SEMA5A: variants seen among roughly 807,000 people sequenced by gnomAD.
SEMA5A encodes the protein semaphorin-5A.
Under a neutral mutation model 135.5 loss-of-function variants are expected in SEMA5A, and 55 were observed. That is an observed-to-expected ratio of 0.41 (90% CI 0.33 to 0.51). SEMA5A has a LOEUF of 0.51. Among genes scored for constraint, SEMA5A ranks in the 20% least tolerant of loss-of-function variants. The pLI is 0.37. For synonymous variants in SEMA5A, 580 were observed against 546.5 expected (o/e 1.06, Z -0.85); for missense variants, 1,290 against 1,419.9 (o/e 0.91, Z 1.47).
At chr5:9,334,203 T>C (rs1753279888) in intron 4 of SEMA5A, among the ~76,000 whole-genome samples, 1 of 152,178 alleles carries the variant, frequency 6.6e-6, no homozygotes, top group South Asian at 2.1e-4. Flanking sequence ...CCACAATGCC[T>C]AGTGCTATGA....
At chr5:9,367,432 C>A (rs777462923) in intron 3 of SEMA5A, 7 of 152,280 alleles carry the variant, frequency 4.6e-5, no homozygotes, top group Non-Finnish European at 7.4e-5. Context: ...ACAAAAGCTA[C>A]TCAGGCTAAA....
rs187649146 is a variant in SEMA5A at position 9,452,599 on chromosome 5, C to T, written c.-174-14747G>A. On this transcript the variant is annotated intron_variant, in intron 1 of 22. Transcript: ENST00000382496. ...TGAAATGAAAGTCAAGGTGAGCCCC[C>T]GCAAATACAGCTGCATTTTTTAATC... 3.1e-3 allele frequency among the ~76,000 whole-genome samples: 467 copies of T among 152,214 alleles called. 1 individual carries two copies. Among genetic ancestry groups the T allele is most frequent in the African/African-American group, 0.011 (440 of 41,522 alleles).
chr5:9,545,188 C>T lies in SEMA5A; in HGVS notation c.-175+396G>A, dbSNP rs1738316552. Reference sequence around the variant, plus strand: ...ACCGCCAAGTCCCGACCTCCGTGTCCCCTGCCCCCGGCTCGCGGCAGTGCG... The same window carrying T: ...ACCGCCAAGTCCCGACCTCCGTGTCTCCTGCCCCCGGCTCGCGGCAGTGCG... On this transcript the variant is annotated intron_variant, in intron 1 of 22. Transcript: ENST00000382496. This position sits in a 1 kb window ranked among gnomAD's most constrained non-coding sequence, Gnocchi z 4.5. Among the ~76,000 whole-genome samples the T allele has an allele frequency of 1.3e-5, 2 of 152,142 alleles. No homozygotes were observed. Among genetic ancestry groups the T allele is most frequent in the Admixed American group, 1.3e-4 (2 of 15,288 alleles).
At chr5:9,504,847 G>A (rs1735790355) in intron 1 of SEMA5A, among the ~76,000 whole-genome samples, 1 of 152,254 alleles carries the variant, frequency 6.6e-6, no homozygotes, top group African/African-American at 2.4e-5. Context: ...AATGGCAAGG[G>A]CCAAAGCATC....
intron 8 of SEMA5A, among the ~76,000 whole-genome samples, chr5:9,221,304 T>TC (rs1404569739): frequency 5.5e-5 from 8 of 145,448 alleles, no homozygotes; most frequent in Non-Finnish European, 6.1e-5. Context: ...ATTTTCTTTT[T>TC]TTTTTTTTTT....
At chr5:9,515,533 C>T (rs148704439) in intron 1 of SEMA5A, among the ~76,000 whole-genome samples, 4 of 152,164 alleles carry the variant, frequency 2.6e-5, no homozygotes, top group African/African-American at 7.2e-5. Flanking sequence ...CTTGGGAGAA[C>T]GTGCAATGTT....
intron 2 of SEMA5A, among the ~76,000 whole-genome samples, chr5:9,406,299 AGGCT>A (rs2126586530): frequency 6.6e-6 from 1 of 152,352 alleles, no homozygotes; most frequent in South Asian, 2.1e-4. Flanking sequence ...GGCTTCTAAA[AGGCT>A]GGCCAGTGGG....
In SEMA5A at chr5:9,040,243, G is replaced by A. The variant is rs1735888238; in HGVS notation, c.*2654C>T. The A allele has an allele frequency of 6.6e-6, 1 of 152,184 alleles. No individual in the cohort carries two copies. Among genetic ancestry groups the A allele is most frequent in the African/African-American group, 2.4e-5 (1 of 41,446 alleles). 9.4% of individuals were successfully genotyped at this position (152,184 alleles called of 1,614,324 possible). ...GGAGGGAATGAAGGACAAAAACAAA[G>A]ATAAAGAAAGAGAGAATGAAAAGGT... is the stretch of plus-strand genomic sequence containing the variant. On this transcript the variant is annotated 3_prime_UTR_variant, in exon 23 of 23. Coordinates refer to ENST00000382496, the MANE Select transcript of SEMA5A (RefSeq NM_003966.3).
At chr5:9,353,354 G>GGAAAGGAAAGGA (rs1754288041) in intron 3 of SEMA5A, among the ~76,000 whole-genome samples, 14 of 54,400 alleles carry the variant, frequency 2.6e-4, no homozygotes, top group Admixed American at 6.3e-4. Context: ...AAAGGAAAGG[G>GGAAAGGAAAGGA]AAGGAAAGGA....
At chr5:9,528,290 C>T (rs867557785) in intron 1 of SEMA5A, among the ~76,000 whole-genome samples, 10 of 152,316 alleles carry the variant, frequency 6.6e-5, no homozygotes, top group African/African-American at 1.9e-4. Context: ...AACCGAAGGT[C>T]CCCAAGAAGT....
At chr5:9,396,144 G>A (rs1209028741) in intron 2 of SEMA5A, among the ~76,000 whole-genome samples, 1 of 152,074 alleles carries the variant, frequency 6.6e-6, no homozygotes, top group African/African-American at 2.4e-5. Flanking sequence ...TGTAGGATCA[G>A]GCAGTACTTT....
At chr5:9,407,818 C>A (rs144934441) in intron 2 of SEMA5A, among the ~76,000 whole-genome samples, 5 of 152,090 alleles carry the variant, frequency 3.3e-5, no homozygotes, top group Non-Finnish European at 7.4e-5. Flanking sequence ...GAGTACCTAG[C>A]GCAAAAGTCA....
rs936014858 is a variant in SEMA5A at position 9,204,005 on chromosome 5, C to T, written c.647-1765G>A. 3.9e-5 allele frequency among the ~76,000 whole-genome samples: 6 copies of T among 152,020 alleles called. No homozygotes were observed. The highest frequency in any genetic ancestry group is 1.5e-4 in the African/African-American group (6 of 41,366). On this transcript the variant is annotated intron_variant, in intron 8 of 22. Transcript: ENST00000382496. The surrounding 1 kb of genome is among the most constrained non-coding windows in gnomAD (Gnocchi z 6.4). The stretch of plus-strand genomic sequence containing the variant: ...TGGGGGGGTGTTAAGTCTGTGTTTA[C>T]TGTAAGTCTCCAAAACAGAATTACC...
intron 12 of SEMA5A, among the ~76,000 whole-genome samples, chr5:9,154,085 A>G (rs1167652877): frequency 0.35 from 29,497 of 84,750 alleles, 6,783 homozygotes; most frequent in Non-Finnish European, 0.48. Context: ...ATATATATAT[A>G]TATATATATG....
intron 16 of SEMA5A, among the ~76,000 whole-genome samples, chr5:9,086,501 T>C (rs1186232311): frequency 6.6e-6 from 1 of 152,288 alleles, no homozygotes; most frequent in Non-Finnish European, 1.5e-5. Context: ...TCTGCCGCCA[T>C]TTGAGATGTG....
intron 1 of SEMA5A, chr5:9,523,006 G>A (rs1736921345): frequency 6.6e-6 from 1 of 152,100 alleles, no homozygotes; most frequent in Non-Finnish European, 1.5e-5. Context: ...ACAAGATAAA[G>A]CAAGTAGTAA....
intron 5 of SEMA5A, among the ~76,000 whole-genome samples, chr5:9,317,508 C>T (rs1310999885): frequency 1.3e-5 from 2 of 152,082 alleles, no homozygotes; most frequent in Admixed American, 6.5e-5. Flanking sequence ...TAACACCTTG[C>T]TAAGTAAAAG....
At chr5:9,474,017 G>T (rs937749218) in intron 1 of SEMA5A, among the ~76,000 whole-genome samples, 10 of 152,166 alleles carry the variant, frequency 6.6e-5, no homozygotes, top group African/African-American at 2.4e-4. Context: ...TATGGGGCAT[G>T]TAAGATACAT....
At chr5:9,102,481 C>T (rs1156289610) in intron 16 of SEMA5A, among the ~76,000 whole-genome samples, 1 of 152,056 alleles carries the variant, frequency 6.6e-6, no homozygotes, top group Non-Finnish European at 1.5e-5. Context: ...TCCCAGAAAT[C>T]AAAATTCTAT....
Sources: allele counts gnomAD v4.1 joint callset (sites outside exome capture counted in the v4.1 genomes callset), GRCh38; gene constraint gnomAD v4.1.1; non-coding constraint Gnocchi (gnomAD v3.1); transcripts MANE v1.5; gene names NCBI Gene and HGNC (gene_info 2026-07-23, HGNC 2026-07-21).